Variants in TANGO6 observed in about 807,000 individuals in gnomAD.
TANGO6 encodes the protein transport and golgi organization 6 homolog.
In TANGO6, 90 loss-of-function variants were observed where a neutral mutation model predicts 114.2. The ratio of observed to expected loss-of-function variants is 0.79; its 90% CI spans 0.66 to 0.94. TANGO6 has a LOEUF of 0.94. Among genes scored for constraint, TANGO6 ranks in the 40% least tolerant of loss-of-function variants. TANGO6 has a pLI of 0.00. For synonymous variants in TANGO6, 477 were observed against 509.8 expected, an observed-to-expected ratio of 0.94 and a Z score of 0.87; for missense variants, 1,274 against 1,315.3, an observed-to-expected ratio of 0.97 and a Z score of 0.49.
At chr16:68,865,753 CAA>C (rs367608096) in intron 3 of TANGO6, among the ~76,000 whole-genome samples, 14 of 115,018 alleles carry the variant, frequency 1.2e-4, no homozygotes, top group Non-Finnish European at 1.4e-4. Context: ...ACTAAAAATA[CAA>C]AAAAAAAAAA....
chr16:69,039,949 T>C (rs1264075334), intron 16 of TANGO6, among the ~76,000 whole-genome samples: 1 of 152,226 alleles, frequency 6.6e-6, no homozygotes. Context: ...CCATCTTTTT[T>C]CCTTTGATTT....
rs565844589 is a variant in TANGO6, at chr16:68,962,741, A to G, written c.2702-11287A>G. Among the ~76,000 whole-genome samples, 6 of 151,948 alleles carry G rather than the reference A, an allele frequency of 3.9e-5. No individual in the cohort carries two copies. The South Asian group carries it at 1.2e-3, about 32-fold the overall frequency. On this transcript the variant is annotated intron_variant, in intron 14 of 17. Transcript: ENST00000261778. The stretch of plus-strand genomic sequence containing the variant: ...GCGCCATTGCACACCAGCCTGGGCA[A>G]CAAGAGCAAAACTCTGTCTCAAAAA...
At chr16:68,996,935 C>T (rs2152219846) in intron 15 of TANGO6, among the ~76,000 whole-genome samples, 1 of 152,212 alleles carries the variant, frequency 6.6e-6, no homozygotes, top group South Asian at 2.1e-4. Flanking sequence ...GACTCCAGTT[C>T]TTCATCTCTA....
At chr16:69,053,442 C>T (rs1959985760) in intron 17 of TANGO6, among the ~76,000 whole-genome samples, 1 of 152,028 alleles carries the variant, frequency 6.6e-6, no homozygotes, top group Non-Finnish European at 1.5e-5. Context: ...TTTCTATGAA[C>T]CTATCATTAA....
intron 15 of TANGO6, among the ~76,000 whole-genome samples, chr16:69,017,986 C>T (rs151111430): frequency 6.6e-6 from 1 of 151,074 alleles, no homozygotes; most frequent in African/African-American, 2.4e-5. Flanking sequence ...TCACTGCAAC[C>T]TCATCATCCC....
intron 17 of TANGO6, among the ~76,000 whole-genome samples, chr16:69,083,046 G>A (rs1441623111): frequency 1.3e-5 from 2 of 151,636 alleles, no homozygotes; most frequent in African/African-American, 4.8e-5. Flanking sequence ...ACGAGGGCTA[G>A]CGCCACCCCT....
intron 14 of TANGO6, among the ~76,000 whole-genome samples, chr16:68,964,627 C>T (rs563535063): frequency 1.4e-5 from 2 of 145,842 alleles, no homozygotes; most frequent in African/African-American, 2.5e-5. Flanking sequence ...AGTGCAGTGA[C>T]GCGATCTTGG....
intron 14 of TANGO6, among the ~76,000 whole-genome samples, chr16:68,969,976 C>G (rs537055194): frequency 5.3e-5 from 8 of 152,202 alleles, no homozygotes; most frequent in African/African-American, 1.9e-4. Flanking sequence ...CCAGATTAGT[C>G]TCTTCAATGG....
At chr16:69,081,443 T>G (rs1187146400) in intron 17 of TANGO6, among the ~76,000 whole-genome samples, 3 of 151,706 alleles carry the variant, frequency 2.0e-5, no homozygotes, top group Admixed American at 6.6e-5. Flanking sequence ...TGGCATGATC[T>G]TGGCTCACTG....
At chr16:68,912,793 C>T (rs112062481) in intron 11 of TANGO6, among the ~76,000 whole-genome samples, 4 of 146,816 alleles carry the variant, frequency 2.7e-5, no homozygotes, top group African/African-American at 1.0e-4. Context: ...AGGTAATAGC[C>T]GACCAGGTGT....
chr16:69,010,709 T>C (rs1373574813), intron 15 of TANGO6, among the ~76,000 whole-genome samples: 3 of 152,162 alleles, frequency 2.0e-5, no homozygotes, highest in Admixed American at 6.6e-5. Context: ...ATCCTGTTGC[T>C]CTCATCCTGC....
In TANGO6 at chr16:68,919,298, G is replaced by T. The variant is rs116553510; in HGVS notation, c.2127+79G>T. The stretch of plus-strand genomic sequence containing the variant: ...CCAGTTGTTTTCCTTCCATATCCTT[G>T]TGAGAAATAAGAATGGATATTGTAC... On this transcript the variant is annotated intron_variant, in intron 12 of 17. Coordinates refer to ENST00000261778, the MANE Select transcript of TANGO6 (RefSeq NM_024562.2). The T allele has an allele frequency of 8.7e-4, 1,324 of 1,526,980 alleles. 12 individuals are homozygous for T. The African/African-American group carries it at 0.016, about 19-fold the overall frequency. The allele number at this position is 1,526,980 out of a possible 1,614,324, so 94.6% of individuals were successfully genotyped here. A position where few individuals can be genotyped will look rare whatever the true frequency, so the allele number is the denominator to read the frequency against.
intron 3 of TANGO6, 155 bp downstream of exon 3, chr16:68,863,216 T>C: frequency 2.0e-6 from 1 of 506,834 alleles, no homozygotes; most frequent in South Asian, 3.5e-5. Flanking sequence ...TTTATAAAAC[T>C]AGATGACGCT....
At chr16:68,945,733 T>G (rs1227070723) in intron 14 of TANGO6, among the ~76,000 whole-genome samples, 3 of 152,216 alleles carry the variant, frequency 2.0e-5, no homozygotes, top group African/African-American at 7.2e-5. Flanking sequence ...CTGCCCAGGC[T>G]GGAGTGCAGT....
At chr16:69,070,176 C>G (rs568902764) in intron 17 of TANGO6, among the ~76,000 whole-genome samples, 1 of 151,730 alleles carries the variant, frequency 6.6e-6, no homozygotes, top group East Asian at 1.9e-4. Flanking sequence ...CCACTGCACT[C>G]CAGCCTCGGC....
chr16:68,921,418 A>T (rs970640515), intron 12 of TANGO6, among the ~76,000 whole-genome samples: 11 of 151,840 alleles, frequency 7.2e-5, no homozygotes, highest in Non-Finnish European at 1.5e-4. Flanking sequence ...CCCTGACCTC[A>T]AGTGATTCAC....
intron 15 of TANGO6, among the ~76,000 whole-genome samples, chr16:68,983,785 G>A (rs982562310): frequency 4.3e-4 from 66 of 152,250 alleles, no homozygotes; most frequent in Middle Eastern, 3.4e-3. Context: ...TGTAATCCCA[G>A]CACTTTGGGA....
rs529629205 is a variant in TANGO6 at position 68,974,628 on chromosome 16, T to A, written c.2842+460T>A. Among the ~76,000 whole-genome samples the A allele has an allele frequency of 3.3e-5, 5 of 152,204 alleles. No individual in the cohort carries two copies. The East Asian group carries it at 9.6e-4, about 29-fold the overall frequency. On this transcript the variant is annotated intron_variant, in intron 15 of 17. Coordinates refer to ENST00000261778, the MANE Select transcript of TANGO6 (RefSeq NM_024562.2). ...GTGAGTCGAGATCGCGCCACTGTGC[T>A]CCAGCCTGGGCGACAAAATGAGATT...
intron 4 of TANGO6, among the ~76,000 whole-genome samples, chr16:68,871,802 T>C (rs1962273307): frequency 6.6e-6 from 1 of 152,166 alleles, no homozygotes; most frequent in African/African-American, 2.4e-5. Context: ...GTATTTTTAG[T>C]AGGGACAGGG....
Sources: gnomAD v4.1 joint callset for allele counts (sites outside exome capture counted in the v4.1 genomes callset) on GRCh38, gnomAD v4.1.1 for gene constraint, MANE v1.5 for transcripts, NCBI Gene and HGNC (gene_info 2026-07-23, HGNC 2026-07-21) for gene names.